TSPAN9: variants seen among roughly 807,000 people sequenced by gnomAD.
The protein encoded by TSPAN9 is tetraspanin 9, also known as tetraspanin-9.
A neutral mutation model predicts 31.0 loss-of-function variants in TSPAN9; 16 were observed. That is an observed-to-expected ratio of 0.52 (90% CI 0.35 to 0.78). The LOEUF (loss-of-function observed/expected upper bound fraction) is 0.78, where lower values mean the gene tolerates loss of function less well. Ranked by LOEUF, TSPAN9 falls within the 30% of genes least tolerant of loss-of-function variation. The pLI is 0.01. For missense variants in TSPAN9, 272 were observed against 312.5 expected, an observed-to-expected ratio of 0.87 and a Z score of 0.98; for synonymous variants, 145 against 121.6, an observed-to-expected ratio of 1.19 and a Z score of -1.27.
intron 2 of TSPAN9, among the ~76,000 whole-genome samples, chr12:3,126,485 T>C (rs2098327423): frequency 6.6e-6 from 1 of 152,230 alleles, no homozygotes; most frequent in Admixed American, 6.5e-5. Context: ...GATTTGGATA[T>C]GTGTACCTTT....
intron 3 of TSPAN9, among the ~76,000 whole-genome samples, chr12:3,222,490 C>T (rs1448799131): frequency 2.0e-5 from 3 of 152,214 alleles, no homozygotes; most frequent in African/African-American, 4.8e-5. Flanking sequence ...CCACCCCTGG[C>T]ACCCCATGGC....
chr12:3,104,829 A>G (rs929275600), intron 2 of TSPAN9, among the ~76,000 whole-genome samples: 2 of 152,248 alleles, frequency 1.3e-5, no homozygotes, highest in African/African-American at 2.4e-5. Flanking sequence ...GCCAGCTGTC[A>G]GCTTAGGTCA....
chr12:3,241,842 C>T (rs924144313), intron 3 of TSPAN9, among the ~76,000 whole-genome samples: 3 of 152,224 alleles, frequency 2.0e-5, no homozygotes, highest in African/African-American at 4.8e-5. Context: ...TCACTGGGGC[C>T]GTGTCCTGGC....
chr12:3,181,225 TAAAAG>T (rs1591663667), intron 2 of TSPAN9, among the ~76,000 whole-genome samples: 1 of 151,794 alleles, frequency 6.6e-6, no homozygotes, highest in Non-Finnish European at 1.5e-5. Flanking sequence ...GGATGATAAT[TAAAAG>T]AAATATTATC....
chr12:3,121,533 C>CCT (rs1426241959), intron 2 of TSPAN9, among the ~76,000 whole-genome samples: 1 of 92,926 alleles, frequency 1.1e-5, no homozygotes, highest in Non-Finnish European at 2.0e-5. Context: ...CTAATTAAAA[C>CCT]TTTTTTTTTT....
chr12:3,268,231 T>TGC (rs1862577525), intron 3 of TSPAN9, among the ~76,000 whole-genome samples: 1 of 70,548 alleles, frequency 1.4e-5, no homozygotes, highest in African/African-American at 5.0e-5. Context: ...GCCCTCTCTG[T>TGC]GTTCCTGCAG....
intron 2 of TSPAN9, among the ~76,000 whole-genome samples, chr12:3,175,356 GC>G (rs1565602788): frequency 6.6e-6 from 1 of 152,188 alleles, no homozygotes; most frequent in East Asian, 1.9e-4. Flanking sequence ...GGAGGTCAGC[GC>G]CCGGCAGGGG....
chr12:3,280,543 C>T lies in TSPAN9; in HGVS notation c.432+60C>T. ...GGAGGAGGGGTGGCGGCCGGTACTT[C>T]TAGCTGCCTTCCCCGGTGACCTGGC... On this transcript the variant is annotated intron_variant, in intron 6 of 8. Transcript: ENST00000011898. The surrounding 1 kb of genome is among the most constrained non-coding windows in gnomAD (Gnocchi z 4.5). 2 of 1,494,480 alleles carry T rather than the reference C, an allele frequency of 1.3e-6. No homozygotes were observed. The highest frequency in any genetic ancestry group is 1.8e-6 in the Non-Finnish European group (2 of 1,092,502). The allele number at this position is 1,494,480 out of a possible 1,614,324, so 92.6% of individuals were successfully genotyped here.
At chr12:3,213,763 T>C (rs1458331524) in intron 3 of TSPAN9, among the ~76,000 whole-genome samples, 1 of 152,108 alleles carries the variant, frequency 6.6e-6, no homozygotes, top group Non-Finnish European at 1.5e-5. Flanking sequence ...GTGGGAGGAA[T>C]ATTGACAAGA....
At chr12:3,222,616 A>G (rs1201755442) in intron 3 of TSPAN9, among the ~76,000 whole-genome samples, 2 of 152,102 alleles carry the variant, frequency 1.3e-5, no homozygotes, top group South Asian at 2.1e-4. Flanking sequence ...TGTGTGGGGA[A>G]GCCTGTGTGA....
intron 2 of TSPAN9, among the ~76,000 whole-genome samples, chr12:3,145,066 C>A (rs552760941): frequency 1.6e-4 from 24 of 152,288 alleles, no homozygotes; most frequent in African/African-American, 5.1e-4. Flanking sequence ...CTTGATTTCA[C>A]ACATCAAGGT....
chr12:3,188,020 G>C (rs192147815), intron 2 of TSPAN9, among the ~76,000 whole-genome samples: 1 of 152,234 alleles, frequency 6.6e-6, no homozygotes, highest in South Asian at 2.1e-4. Flanking sequence ...TGGGTGCTGG[G>C]GAACTCTGCA....
At chr12:3,199,979 TGTC>T (rs2098370360) in intron 2 of TSPAN9, 1 of 152,402 alleles carries the variant, frequency 6.6e-6, no homozygotes. Context: ...GCCGCGCTTC[TGTC>T]CCCCTCCAGT....
intron 2 of TSPAN9, among the ~76,000 whole-genome samples, chr12:3,167,479 G>T (rs1359225707): frequency 2.6e-5 from 4 of 152,216 alleles, no homozygotes; most frequent in African/African-American, 9.6e-5. Context: ...CTTATCTCTT[G>T]TGTACTTTTG....
At chr12:3,206,861 G>T (rs1411217848) in intron 3 of TSPAN9, among the ~76,000 whole-genome samples, 2 of 152,204 alleles carry the variant, frequency 1.3e-5, no homozygotes, top group Admixed American at 1.3e-4. Flanking sequence ...AGTAGAGCAA[G>T]TGACACCTGG....
chr12:3,176,121 T>G (rs1423723272), intron 2 of TSPAN9, among the ~76,000 whole-genome samples: 1 of 152,228 alleles, frequency 6.6e-6, no homozygotes, highest in Admixed American at 6.5e-5. Context: ...GTTCATCCAT[T>G]TGTCCCCTGC....
At chr12:3,190,618 GT>G (rs2098363858) in intron 2 of TSPAN9, among the ~76,000 whole-genome samples, 1 of 152,212 alleles carries the variant, frequency 6.6e-6, no homozygotes, top group South Asian at 2.1e-4. Context: ...CCCAGAGTGG[GT>G]GACTCTTTGT....
chr12:3,259,198 C>T (rs1241736321), intron 3 of TSPAN9, among the ~76,000 whole-genome samples: 6 of 152,200 alleles, frequency 3.9e-5, no homozygotes, highest in African/African-American at 1.2e-4. Flanking sequence ...GGTATTTCGC[C>T]TCACTGGAGT....
At chr12:3,162,272 A>G (rs1049810080) in intron 2 of TSPAN9, among the ~76,000 whole-genome samples, 1 of 152,234 alleles carries the variant, frequency 6.6e-6, no homozygotes, top group Non-Finnish European at 1.5e-5. Flanking sequence ...CTCAGACATC[A>G]GAATCGTGAG....
Sources: allele counts gnomAD v4.1 joint callset (sites outside exome capture counted in the v4.1 genomes callset), GRCh38; gene constraint gnomAD v4.1.1; non-coding constraint Gnocchi (gnomAD v3.1); transcripts MANE v1.5; gene names NCBI Gene and HGNC (gene_info 2026-07-23, HGNC 2026-07-21).